The following TTC12 variants were observed in gnomAD, a reference collection of about 807,000 sequenced individuals.
TTC12 encodes the protein tetratricopeptide repeat domain 12.
In TTC12, 70 loss-of-function variants were observed where a neutral mutation model predicts 90.1. The ratio of observed to expected loss-of-function variants is 0.78; its 90% CI spans 0.64 to 0.95. The LOEUF is 0.95. Ranked by LOEUF, TTC12 falls within the 40% of genes least tolerant of loss-of-function variation. The pLI, the probability that TTC12 is intolerant of heterozygous loss-of-function variation, is 0.00. For missense variants in TTC12, 819 were observed against 846.1 expected (o/e 0.97, Z 0.40); for synonymous variants, 296 against 311.5 (o/e 0.95, Z 0.53).
downstream of TTC12, chr11:113,366,414 A>G: frequency 6.5e-7 from 1 of 1,541,566 alleles, no homozygotes. Context: ...TCATTTTTAG[A>G]GTGTTTGCAT....
At chr11:113,333,716 C>CA (rs1555143205) in intron 7 of TTC12, among the ~76,000 whole-genome samples, 1 of 152,094 alleles carries the variant, frequency 6.6e-6, no homozygotes, top group Non-Finnish European at 1.5e-5. Context: ...CAATCATGCA[C>CA]ATTTATTTTT....
downstream of TTC12, chr11:113,368,877 A>C: frequency 4.4e-6 from 1 of 224,770 alleles, no homozygotes; most frequent in Non-Finnish European, 8.9e-6. Context: ...TTTTGCACTA[A>C]CCTAATATTC....
At chr11:113,354,608 G>A (rs1236294648) in intron 16 of TTC12, among the ~76,000 whole-genome samples, 1 of 152,054 alleles carries the variant, frequency 6.6e-6, no homozygotes, top group Non-Finnish European at 1.5e-5. Context: ...TGTCATAGAT[G>A]GCTCTTATTA....
intron 1 of TTC12, chr11:113,315,135 T>A (rs1317731706): frequency 1.5e-5 from 2 of 130,428 alleles, no homozygotes; most frequent in Non-Finnish European, 3.4e-5. Context: ...GTTGAAAAGA[T>A]TTGACCTGGA....
At chr11:113,359,218 C>T (rs1949784662) in intron 16 of TTC12, 145 bp from the exon 17 acceptor site, 1 of 584,360 alleles carries the variant, frequency 1.7e-6, no homozygotes, top group East Asian at 2.8e-5. Flanking sequence ...TAGAACTGGT[C>T]TCTGATCCTC....
In TTC12 at chr11:113,343,636, G is replaced by C. The variant is rs567701287; in HGVS notation, c.986-636G>C. 3.9e-5 allele frequency among the ~76,000 whole-genome samples: 6 copies of C among 152,270 alleles called. No homozygotes were observed. The South Asian group carries it at 1.0e-3, about 26-fold the overall frequency. Reference sequence around the variant, plus strand: ...ATGGGGCCCACCCCTTTGAGATCCAGTTTGCTCTGTTTCCTAGCTTAGCCT... The same window carrying C: ...ATGGGGCCCACCCCTTTGAGATCCACTTTGCTCTGTTTCCTAGCTTAGCCT... On this transcript the variant is annotated intron_variant, in intron 12 of 21. Transcript: ENST00000529221.
At chr11:113,330,623 A>G (rs1297183053) in intron 7 of TTC12, among the ~76,000 whole-genome samples, 2 of 152,216 alleles carry the variant, frequency 1.3e-5, no homozygotes, top group Non-Finnish European at 2.9e-5. Context: ...CCCTTAATCC[A>G]CATTCCCCTA....
intron 8 of TTC12, among the ~76,000 whole-genome samples, chr11:113,335,372 T>C (rs1948308823): frequency 6.6e-6 from 1 of 152,192 alleles, no homozygotes; most frequent in Non-Finnish European, 1.5e-5. Context: ...TATCTACCTA[T>C]TTATCCATGC....
At chr11:113,325,411 G>T in intron 5 of TTC12, 113 bp from the exon 6 acceptor site, 1 of 1,275,056 alleles carries the variant, frequency 7.8e-7, no homozygotes, top group Non-Finnish European at 1.1e-6. Flanking sequence ...AGTCCCTTTA[G>T]GATCGATAGA....
chr11:113,324,471 G>A, intron 4 of TTC12, 134 bp from the exon 5 acceptor site: 1 of 620,236 alleles, frequency 1.6e-6, no homozygotes, highest in East Asian at 2.8e-5. Flanking sequence ...GCCTCAGAAT[G>A]GTGTGTGTGC....
intron 16 of TTC12, among the ~76,000 whole-genome samples, chr11:113,356,053 T>C (rs1949616097): frequency 6.6e-6 from 1 of 152,240 alleles, no homozygotes; most frequent in Non-Finnish European, 1.5e-5. Context: ...AGTCTCCTGC[T>C]ATTATTGTGT....
At chr11:113,329,838 TG>T (rs1304353531) in intron 6 of TTC12, 81 bp from the exon 7 acceptor site, 1 of 1,142,408 alleles carries the variant, frequency 8.8e-7, no homozygotes, top group Non-Finnish European at 1.3e-6. Flanking sequence ...GACATTCTAC[TG>T]TTCGAATGTT....
rs942143183 is a variant in TTC12 at position 113,366,355 on chromosome 11, T to C, written c.*55T>C. ...ACACACAGATGCACACCGTGTGTTG[T>C]TCCTATGCTAATAAAGACCTTTGAT... On this transcript the variant is annotated 3_prime_UTR_variant, in exon 22 of 22. Coordinates refer to ENST00000529221, the MANE Select transcript of TTC12 (RefSeq NM_017868.4). 7.5e-6 allele frequency: 12 copies of C among 1,607,702 alleles called. No individual in the cohort carries two copies. The highest frequency in any genetic ancestry group is 5.0e-5 in the Admixed American group (3 of 59,946).
At chr11:113,318,456 A>G (rs1336500068) in intron 2 of TTC12, among the ~76,000 whole-genome samples, 2 of 152,196 alleles carry the variant, frequency 1.3e-5, no homozygotes, top group African/African-American at 2.4e-5. Flanking sequence ...GTGCCCTCAC[A>G]TGGTCATCTC....
At chr11:113,315,341 A>G (rs986683840) in intron 1 of TTC12, 1 of 152,200 alleles carries the variant, frequency 6.6e-6, no homozygotes, top group African/African-American at 2.4e-5. Flanking sequence ...GAATTTAGCC[A>G]GAATCACACA....
intron 19 of TTC12, 81 bp from the exon 20 acceptor site, chr11:113,363,747 A>G (rs1475189973): frequency 1.3e-5 from 12 of 959,770 alleles, no homozygotes; most frequent in African/African-American, 1.1e-4. Context: ...CACTAGCGCT[A>G]TAATAACTGC....
At chr11:113,340,164 A>G (rs1313960958) in intron 10 of TTC12, among the ~76,000 whole-genome samples, 1 of 152,214 alleles carries the variant, frequency 6.6e-6, no homozygotes, top group Non-Finnish European at 1.5e-5. Context: ...AATAATCTCT[A>G]TACTCAGTGA....
intron 9 of TTC12, among the ~76,000 whole-genome samples, 189 bp from the exon 10 acceptor site, chr11:113,339,097 G>A (rs1460548328): frequency 6.6e-6 from 1 of 152,008 alleles, no homozygotes; most frequent in African/African-American, 2.4e-5. Flanking sequence ...CCCCAACAAG[G>A]TTTAAGATTC....
chr11:113,337,596 T>C (rs975462349), intron 8 of TTC12, among the ~76,000 whole-genome samples: 4 of 152,172 alleles, frequency 2.6e-5, no homozygotes, highest in Non-Finnish European at 5.9e-5. Flanking sequence ...GCTGATCCTA[T>C]AGGGCCCTAC....
Sources: allele counts gnomAD v4.1 joint callset (sites outside exome capture counted in the v4.1 genomes callset), GRCh38; gene constraint gnomAD v4.1.1; transcripts MANE v1.5; gene names NCBI Gene and HGNC (gene_info 2026-07-23, HGNC 2026-07-21).